GP6: variants seen among roughly 807,000 people sequenced by gnomAD.
GP6 encodes glycoprotein VI platelet, also known as platelet glycoprotein VI.
GP6 carries 45 observed loss-of-function variants against 37.3 expected under a neutral mutation model. The ratio of observed to expected loss-of-function variants is 1.21; its 90% confidence interval spans 0.95 to 1.55. GP6 has a LOEUF of 1.55. Ranked by LOEUF, GP6 falls within the 40% of genes most tolerant of loss-of-function variation. The probability of loss-of-function intolerance (pLI) is 0.00; values close to 1 mark genes in which losing one functional copy is unlikely to be tolerated. For missense variants in GP6, 813 were observed against 760.2 expected, an observed-to-expected ratio of 1.07 and a Z score of -0.82; for synonymous variants, 340 against 316.4, an observed-to-expected ratio of 1.07 and a Z score of -0.79.
intron 6 of GP6, among the ~76,000 whole-genome samples, chr19:55,017,958 C>T (rs1000007956): frequency 6.6e-6 from 1 of 152,072 alleles, no homozygotes; most frequent in Non-Finnish European, 1.5e-5. Flanking sequence ...ATCCCAGCTA[C>T]TCGGGAGGCT....
In GP6 at chr19:55,014,901, C is replaced by T; in HGVS notation, c.1044G>A (p.Arg348=). The change falls in exon 8 of 8, where the codon CGG becomes CGA. Residue 348 remains arginine, a synonymous_variant. Coordinates refer to ENST00000310373, the MANE Select transcript of GP6 (RefSeq NM_001083899.2). ...GCCATGATCCCTCCCTTGGATACGA[C>T]CGTGCCTGGGGTTCAGCGGTCATGA... is the stretch of plus-strand genomic sequence containing the variant. The T allele has an allele frequency of 6.2e-7, 1 of 1,613,852 alleles. No homozygotes were observed. Among genetic ancestry groups the T allele is most frequent in the East Asian group, 2.2e-5 (1 of 44,876 alleles).
In GP6 at chr19:55,029,036, A is replaced by G. The variant is rs182024433; in HGVS notation, c.326-1174T>C. On this transcript the variant is annotated intron_variant, in intron 3 of 7. Transcript: ENST00000310373. ...AGAAAGCAAAAGAAAGGAAGTAAGG[A>G]AGATAAAAATATAAGCTGCCTAATA... Among the ~76,000 whole-genome samples the G allele has an allele frequency of 4.8e-3, 715 of 150,190 alleles. 5 individuals carry two copies. Among genetic ancestry groups the G allele is most frequent in the African/African-American group, 0.016 (632 of 39,690 alleles).
At chr19:55,024,837 A>C (rs1052892650) in intron 5 of GP6, among the ~76,000 whole-genome samples, 1 of 152,152 alleles carries the variant, frequency 6.6e-6, no homozygotes, top group Admixed American at 6.6e-5. Context: ...TGATCAATGC[A>C]TTCAGTGACT....
intron 5 of GP6, 67 bp from the exon 6 acceptor site, chr19:55,018,778 C>T: frequency 7.7e-6 from 8 of 1,044,912 alleles, no homozygotes; most frequent in South Asian, 1.3e-5. Flanking sequence ...TCTCCATTCC[C>T]CTTTTGAGAT....
Position 55,032,826 on chromosome 19 carries a change from C to T in GP6, c.35-288G>A, listed in dbSNP as rs983963142. On this transcript the variant is annotated intron_variant, in intron 1 of 7. Transcript: ENST00000310373. ...GGGAGAGGAGGGCAAGGCATGGTGG[C>T]GTACTGCTCTCTGTGGACTTGTTCG... 508 of 590,214 alleles carry T rather than the reference C, an allele frequency of 8.6e-4. 3 individuals carry two copies. In the African/African-American group the frequency reaches 8.8e-3, roughly 10 times the overall value. The allele number at this position is 590,214 out of a possible 1,614,324, so 36.6% of individuals were successfully genotyped here. A position where few individuals can be genotyped will look rare whatever the true frequency, so the allele number is the denominator to read the frequency against.
chr19:55,033,177 C>CGTGTTAGACGCGGTGGACTCCTTCGTGTT lies in GP6; in HGVS notation c.35-668_35-640dup, dbSNP rs1568642456. 3.3e-4 allele frequency among the ~76,000 whole-genome samples: 44 copies of CGTGTTAGACGCGGTGGACTCCTTCGTGTT among 133,136 alleles called. 6 individuals are homozygous for CGTGTTAGACGCGGTGGACTCCTTCGTGTT. Among genetic ancestry groups the CGTGTTAGACGCGGTGGACTCCTTCGTGTT allele is most frequent in the Non-Finnish European group, 5.5e-4 (34 of 61,730 alleles). The allele number at this position is 133,136 out of a possible 152,430, so 87.3% of individuals were successfully genotyped here. A position where few individuals can be genotyped will look rare whatever the true frequency, so the allele number is the denominator to read the frequency against. On this transcript the variant is annotated intron_variant, in intron 1 of 7. Transcript: ENST00000310373. ...TCGTGTTAGACGCGGTGGGTTCGTT[C>CGTGTTAGACGCGGTGGACTCCTTCGTGTT]GTGTTAGACGCGGTGGACTCCTTCG... is the stretch of plus-strand genomic sequence containing the variant.
chr19:55,036,125 A>G (rs951787630), intron 1 of GP6, among the ~76,000 whole-genome samples: 1 of 151,958 alleles, frequency 6.6e-6, no homozygotes, highest in Admixed American at 6.6e-5. Flanking sequence ...GCTGGAAGGC[A>G]TTATTCTAAG....
At chr19:55,029,108 AAGGG>A (rs937271107) in intron 3 of GP6, among the ~76,000 whole-genome samples, 21 of 147,668 alleles carry the variant, frequency 1.4e-4, no homozygotes, top group Admixed American at 2.0e-4. Context: ...AAGAGGAAGG[AAGGG>A]AGGGAGGGAG....
intron 1 of GP6, among the ~76,000 whole-genome samples, chr19:55,036,587 TACTC>T (rs1277784385): frequency 6.6e-6 from 1 of 152,052 alleles, no homozygotes; most frequent in Non-Finnish European, 1.5e-5. Flanking sequence ...TAGTTCCAGA[TACTC>T]AGGAGGCTGA....
intron 4 of GP6, among the ~76,000 whole-genome samples, chr19:55,026,651 GAGGCCGAGGCGGGC>G (rs2074313832): frequency 1.3e-5 from 2 of 152,152 alleles, no homozygotes. Flanking sequence ...AGCACTTTGG[GAGGCCGAGGCGGGC>G]AGATCATGAG....
At chr19:55,028,004 CAG>C in intron 3 of GP6, 142 bp from the exon 4 acceptor site, 1 of 820,452 alleles carries the variant, frequency 1.2e-6, no homozygotes, top group Non-Finnish European at 2.1e-6. Flanking sequence ...CCCAAGCTCA[CAG>C]AGAGGTCGAG....
intron 4 of GP6, among the ~76,000 whole-genome samples, chr19:55,026,423 A>G (rs1471218023): frequency 4.4e-5 from 6 of 135,460 alleles, no homozygotes; most frequent in Non-Finnish European, 9.7e-5. Context: ...CTTTGACTAG[A>G]ATCATACAGT....
At chr19:55,018,738 T>G in intron 5 of GP6, 27 bp from the exon 6 acceptor site, 1 of 1,479,940 alleles carries the variant, frequency 6.8e-7, no homozygotes, top group Non-Finnish European at 9.5e-7. Flanking sequence ...ATGTTAGGTC[T>G]TCCCCGTGGT....
chr19:55,032,756 T>A (rs1033972915), intron 1 of GP6: 6 of 642,764 alleles, frequency 9.3e-6, no homozygotes, highest in Non-Finnish European at 1.7e-5. Context: ...AATAGGTAAA[T>A]CTATAGGAGA....
At position 55,017,167 on chromosome 19, in the gene GP6, A is replaced by G. The variant is rs1207740886; in HGVS notation, c.725-1434T>C. ...AGTCTCACTCTGTTGCCCAGGCTGG[A>G]GTGCTGTGGTGTGATCTCAGGTCAC... On this transcript the variant is annotated intron_variant, in intron 6 of 7. Coordinates refer to ENST00000310373, the MANE Select transcript of GP6 (RefSeq NM_001083899.2). Among the ~76,000 whole-genome samples, 3 of 149,566 alleles carry G rather than the reference A, an allele frequency of 2.0e-5. No individual in the cohort carries two copies. The Admixed American group carries it at 2.0e-4, about 10-fold the overall frequency.
intron 3 of GP6, among the ~76,000 whole-genome samples, chr19:55,030,588 C>T (rs1429704017): frequency 6.6e-6 from 1 of 151,956 alleles, no homozygotes; most frequent in Non-Finnish European, 1.5e-5. Flanking sequence ...AGTGATCCAC[C>T]CACCTCAGCC....
chr19:55,033,926 T>C (rs1330275002), intron 1 of GP6, among the ~76,000 whole-genome samples: 3 of 151,972 alleles, frequency 2.0e-5, no homozygotes, highest in Admixed American at 6.6e-5. Flanking sequence ...ATAATATATA[T>C]AATAATCGTT....
rs1568613115 is a variant in GP6 at position 55,024,322 on chromosome 19, A to ACATGCACGCACACACG, written c.664+895_664+896insCGTGTGTGCGTGCATG. Among the ~76,000 whole-genome samples the ACATGCACGCACACACG allele has an allele frequency of 2.5e-4, 35 of 138,722 alleles. 1 individual carries two copies. The highest frequency in any genetic ancestry group is 8.7e-4 in the African/African-American group (33 of 37,860). 91.0% of individuals were successfully genotyped at this position (138,722 alleles called of 152,430 possible). On this transcript the variant is annotated intron_variant, in intron 5 of 7. Coordinates refer to ENST00000310373, the MANE Select transcript of GP6 (RefSeq NM_001083899.2). The stretch of plus-strand genomic sequence containing the variant: ...CATGCACACACATATGCACGCACAC[A>ACATGCACGCACACACG]CACATATGCACGCACACACGCACAT...
chr19:55,038,076 T>A, intron 1 of GP6, 127 bp downstream of exon 1: 1 of 785,416 alleles, frequency 1.3e-6, no homozygotes, highest in East Asian at 2.7e-5. Flanking sequence ...ACCCAACAAA[T>A]GAAGGGGCTC....
Sources: gnomAD v4.1 joint callset for allele counts (sites outside exome capture counted in the v4.1 genomes callset) on GRCh38, gnomAD v4.1.1 for gene constraint, MANE v1.5 for transcripts, NCBI Gene and HGNC (gene_info 2026-07-23, HGNC 2026-07-21) for gene names.